The following KLHL13 variants were observed in gnomAD, a reference collection of about 807,000 sequenced individuals.
KLHL13 encodes the protein kelch like family member 13.
In KLHL13, 10 loss-of-function variants were observed where a neutral mutation model predicts 37.1. The ratio of observed to expected loss-of-function variants is 0.27; its 90% confidence interval spans 0.17 to 0.46. The LOEUF (loss-of-function observed/expected upper bound fraction) is 0.46, where lower values mean the gene tolerates loss of function less well. Ranked by LOEUF, KLHL13 falls within the 20% of genes least tolerant of loss-of-function variation. The pLI is 1.00. For synonymous variants in KLHL13, 163 were observed against 181.2 expected (o/e 0.90, Z 0.81); for missense variants, 360 against 509.3 (o/e 0.71, Z 2.82).
intron 1 of KLHL13, among the ~76,000 whole-genome samples, 182 bp downstream of exon 1, chrX:118,116,326 G>A (rs1430555807): frequency 8.9e-6 from 1 of 112,243 alleles, no homozygotes; most frequent in South Asian, 3.7e-4. Context: ...TAAGGATGAG[G>A]GCGCGCACCA....
chrX:118,082,370 AT>A (rs1016175115), intron 1 of KLHL13, among the ~76,000 whole-genome samples: 8 of 111,279 alleles, frequency 7.2e-5, no homozygotes, highest in African/African-American at 2.3e-4. Flanking sequence ...GATGTTGAGC[AT>A]TTTTTTAATA....
intron 1 of KLHL13, among the ~76,000 whole-genome samples, chrX:118,081,181 C>G (rs771239675): frequency 9.0e-5 from 10 of 111,242 alleles, no homozygotes; most frequent in African/African-American, 2.6e-4. Context: ...TACCTGAGTG[C>G]GATATACCCA....
At chrX:117,997,548 A>C (rs1032217238) in intron 1 of KLHL13, among the ~76,000 whole-genome samples, 3 of 112,424 alleles carry the variant, frequency 2.7e-5, no homozygotes, top group African/African-American at 9.7e-5. Flanking sequence ...GACATAAAAT[A>C]ATTTAAGAAT....
chrX:118,057,371 A>C (rs1378700377), intron 1 of KLHL13, among the ~76,000 whole-genome samples: 2 of 112,216 alleles, frequency 1.8e-5, no homozygotes, highest in Admixed American at 9.4e-5. Context: ...ATGGATCAAA[A>C]ACCTGTTAAG....
At chrX:118,033,108 C>T (rs1361051375) in intron 1 of KLHL13, among the ~76,000 whole-genome samples, 4 of 111,038 alleles carry the variant, frequency 3.6e-5, no homozygotes, top group African/African-American at 6.6e-5. Flanking sequence ...ACCAAATCTG[C>T]GTCTGACTGG....
chrX:118,088,688 T>C (rs1602713265), intron 1 of KLHL13, among the ~76,000 whole-genome samples: 1 of 111,949 alleles, frequency 8.9e-6, no homozygotes, highest in Non-Finnish European at 1.9e-5. Flanking sequence ...CAAGATATAA[T>C]CAAACTATAA....
At chrX:117,933,975 TC>T in intron 2 of KLHL13, among the ~76,000 whole-genome samples, 1 of 111,167 alleles carries the variant, frequency 9.0e-6, no homozygotes, top group Non-Finnish European at 1.9e-5. Context: ...TGAAATCATG[TC>T]CTCTGCAGCA....
chrX:117,988,893 C>A (rs1437363411), intron 1 of KLHL13, among the ~76,000 whole-genome samples: 1 of 111,683 alleles, frequency 9.0e-6, no homozygotes, highest in East Asian at 2.8e-4. Context: ...ACGAAATATA[C>A]CAACTTATAT....
At chrX:117,994,318 A>C (rs1008110299) in intron 1 of KLHL13, among the ~76,000 whole-genome samples, 2 of 109,204 alleles carry the variant, frequency 1.8e-5, no homozygotes, top group African/African-American at 6.7e-5. Flanking sequence ...CAGTAGTGTG[A>C]TTATAGGTGA....
chrX:118,076,852 TTC>T (rs1292570461), intron 1 of KLHL13, among the ~76,000 whole-genome samples: 2 of 109,099 alleles, frequency 1.8e-5, no homozygotes, highest in Non-Finnish European at 3.8e-5. Flanking sequence ...TTCTTTTCTT[TTC>T]TTTCTTTCTC....
intron 1 of KLHL13, among the ~76,000 whole-genome samples, chrX:117,986,504 T>C (rs1471736813): frequency 1.8e-5 from 2 of 111,736 alleles, no homozygotes; most frequent in African/African-American, 6.5e-5. Flanking sequence ...AATGAGTAGA[T>C]CAATCAAATA....
In KLHL13 at chrX:117,986,491, T is replaced by G. The variant is rs886097319; in HGVS notation, c.-55-40916A>C. 1.8e-4 allele frequency among the ~76,000 whole-genome samples: 20 copies of G among 111,759 alleles called. No homozygotes were observed. In the Admixed American group the frequency reaches 1.9e-3, roughly 11 times the overall value. On this transcript the variant is annotated intron_variant, in intron 1 of 6. Transcript: ENST00000371882. ...CCTGTGGGCTATGAGAAACAATCTG[T>G]TGAATGAGTAGATCAATCAAATAAT... is the stretch of plus-strand genomic sequence containing the variant.
exon 7 of KLHL13, chrX:117,898,992 G>A (rs1225126855): frequency 8.3e-7 from 1 of 1,210,928 alleles, no homozygotes; most frequent in Non-Finnish European, 1.1e-6. Context: ...AAGCACGAAT[G>A]CCACCAAGGG....
chrX:118,111,399 T>C (rs1274851745), intron 1 of KLHL13, among the ~76,000 whole-genome samples: 1 of 112,963 alleles, frequency 8.9e-6, no homozygotes, highest in Non-Finnish European at 1.9e-5. Flanking sequence ...AGTTTTGGCA[T>C]CTAAGTTACC....
At position 117,965,632 on chromosome X, in the gene KLHL13, G is replaced by A. The variant is rs138966154; in HGVS notation, c.98+7099C>T. ...AGAATTTTAGACCAATATCCCTGAT[G>A]AACGTCAATGCAAAAATCCTCAATA... On this transcript the variant is annotated intron_variant, in intron 1 of 6. Coordinates refer to ENST00000262820, the Ensembl canonical transcript of KLHL13. Among the ~76,000 whole-genome samples, 187 of 111,342 alleles carry A rather than the reference G, an allele frequency of 1.7e-3. No individual in the cohort carries two copies. In the East Asian group the frequency reaches 0.024, roughly 14 times the overall value.
At chrX:118,018,301 C>A (rs1390973748) in intron 1 of KLHL13, among the ~76,000 whole-genome samples, 1 of 111,592 alleles carries the variant, frequency 9.0e-6, no homozygotes, top group African/African-American at 3.2e-5. Context: ...CCACACCACA[C>A]CCCCAGAAGA....
intron 5 of KLHL13, among the ~76,000 whole-genome samples, chrX:117,906,970 G>A (rs1378323794): frequency 9.0e-6 from 1 of 110,997 alleles, no homozygotes; most frequent in South Asian, 3.8e-4. Flanking sequence ...CCATTAGAGG[G>A]GAAATTTTTT....
chrX:118,018,930 T>C, intron 1 of KLHL13, among the ~76,000 whole-genome samples: 1 of 111,597 alleles, frequency 9.0e-6, no homozygotes, highest in South Asian at 3.7e-4. Flanking sequence ...TTTATTTCTT[T>C]CTATTTTTAT....
chrX:118,063,933 T>C (rs181174434), intron 1 of KLHL13, among the ~76,000 whole-genome samples: 323 of 111,990 alleles, frequency 2.9e-3, no homozygotes, highest in Non-Finnish European at 5.2e-3. Flanking sequence ...ATTATAGTTA[T>C]TTTAGCAATT....
Sources: allele counts gnomAD v4.1 joint callset (sites outside exome capture counted in the v4.1 genomes callset), GRCh38; gene constraint gnomAD v4.1.1; transcripts MANE v1.5; gene names NCBI Gene and HGNC (gene_info 2026-07-23, HGNC 2026-07-21).